GASK1A: variants seen among roughly 807,000 people sequenced by gnomAD.
GASK1A encodes the protein golgi associated kinase 1A.
GASK1A carries 40 observed loss-of-function variants against 41.2 expected under a neutral mutation model. That is an observed-to-expected ratio of 0.97 (90% CI 0.75 to 1.27). GASK1A has a LOEUF of 1.27. GASK1A is among the 50% of genes most tolerant of loss of function. The pLI is 0.00. For missense variants in GASK1A, 678 were observed against 745.1 expected (o/e 0.91, Z 1.05); for synonymous variants, 316 against 307.1 (o/e 1.03, Z -0.30).
At chr3:43,048,518 G>A (rs1347172175) in intron 2 of GASK1A, among the ~76,000 whole-genome samples, 1 of 152,178 alleles carries the variant, frequency 6.6e-6, no homozygotes, top group African/African-American at 2.4e-5. Context: ...AGGAAGAAAA[G>A]CTAATGAAGG....
intron 1 of GASK1A, among the ~76,000 whole-genome samples, chr3:43,010,814 A>G (rs1250453384): frequency 6.6e-6 from 1 of 152,180 alleles, no homozygotes; most frequent in African/African-American, 2.4e-5. Context: ...AATATCCCTG[A>G]TGTTATGCTA....
chr3:42,995,094 T>G (rs958449408), intron 1 of GASK1A, among the ~76,000 whole-genome samples: 1 of 152,170 alleles, frequency 6.6e-6, no homozygotes, highest in Non-Finnish European at 1.5e-5. Context: ...GACCAAGAGA[T>G]ATAAATTGAA....
In GASK1A at chr3:43,033,373, G is replaced by T; in HGVS notation, c.1110G>T (p.Trp370Cys). 2 of 1,551,564 alleles carry T rather than the reference G, an allele frequency of 1.3e-6. No individual in the cohort carries two copies. The highest frequency in any genetic ancestry group is 1.7e-6 in the Non-Finnish European group (2 of 1,146,952). ...YTDGGARPVI[W>C]WAPDVQHLSD... ...ACGGTGGAGCAAGGCCTGTCATCTG[G>T]TGGGCACCCGATGTGCAGCACCTGA... The change falls in exon 2 of 5, where the codon TGG becomes TGT. Residue 370 changes from tryptophan to cysteine, a missense_variant. Trp to Cys is a radical substitution (Grantham distance 215). Transcript: ENST00000430121.
intron 1 of GASK1A, among the ~76,000 whole-genome samples, chr3:43,002,956 AT>A (rs2089417801): frequency 6.6e-6 from 1 of 152,070 alleles, no homozygotes; most frequent in Non-Finnish European, 1.5e-5. Flanking sequence ...TCTGATTTTC[AT>A]TTCTGAATGT....
At chr3:42,992,239 G>A (rs570635674) in intron 1 of GASK1A, among the ~76,000 whole-genome samples, 8 of 152,066 alleles carry the variant, frequency 5.3e-5, no homozygotes, top group South Asian at 2.1e-4. Context: ...TATCTTACTC[G>A]GTGTGGTTTT....
intron 1 of GASK1A, among the ~76,000 whole-genome samples, chr3:43,027,341 A>T (rs1018980007): frequency 6.6e-6 from 1 of 152,260 alleles, no homozygotes; most frequent in African/African-American, 2.4e-5. Context: ...TACGCTTCCT[A>T]TTGTACCAAT....
chr3:42,992,430 G>A (rs1284498964), intron 1 of GASK1A, among the ~76,000 whole-genome samples: 3 of 152,334 alleles, frequency 2.0e-5, no homozygotes, highest in Non-Finnish European at 1.5e-5. Context: ...TTGCGTAACA[G>A]TCAGCACATA....
At chr3:43,027,323 C>T (rs1416974770) in intron 1 of GASK1A, among the ~76,000 whole-genome samples, 6 of 152,132 alleles carry the variant, frequency 3.9e-5, no homozygotes, top group African/African-American at 1.4e-4. Flanking sequence ...GAGATGGAAT[C>T]GAATGTATAC....
chr3:43,041,410 T>C (rs1387121595), intron 2 of GASK1A, among the ~76,000 whole-genome samples: 2 of 152,206 alleles, frequency 1.3e-5, no homozygotes, highest in Non-Finnish European at 1.5e-5. Flanking sequence ...TTTTAATGAT[T>C]GCCATTCTAA....
chr3:43,040,644 G>A (rs1462176486), intron 2 of GASK1A, among the ~76,000 whole-genome samples: 1 of 151,610 alleles, frequency 6.6e-6, no homozygotes, highest in Non-Finnish European at 1.5e-5. Flanking sequence ...TCTTCAGCTG[G>A]GTCTTCACTT....
intron 1 of GASK1A, among the ~76,000 whole-genome samples, chr3:43,023,053 T>C (rs1039172433): frequency 6.6e-6 from 1 of 152,248 alleles, no homozygotes; most frequent in Non-Finnish European, 1.5e-5. Flanking sequence ...ATGCTGTGCA[T>C]GTTATCTCAT....
chr3:43,025,291 C>T (rs2089541590), intron 1 of GASK1A, among the ~76,000 whole-genome samples: 2 of 152,156 alleles, frequency 1.3e-5, no homozygotes, highest in South Asian at 4.2e-4. Flanking sequence ...GAAAAATTTG[C>T]AAGACTTAGA....
intron 1 of GASK1A, among the ~76,000 whole-genome samples, chr3:42,996,085 A>G (rs558067771): frequency 1.3e-5 from 2 of 151,716 alleles, no homozygotes; most frequent in African/African-American, 4.8e-5. Flanking sequence ...CCAACGTATA[A>G]TCAACGTGGA....
At chr3:43,045,094 A>C (rs2089655935) in intron 2 of GASK1A, among the ~76,000 whole-genome samples, 1 of 152,186 alleles carries the variant, frequency 6.6e-6, no homozygotes, top group African/African-American at 2.4e-5. Context: ...TGTAGCTGTG[A>C]TGGTTTAGCA....
chr3:42,995,187 C>T (rs989410922), intron 1 of GASK1A, among the ~76,000 whole-genome samples: 107 of 152,268 alleles, frequency 7.0e-4, no homozygotes, highest in East Asian at 5.8e-4. Context: ...TGTTTCGTTT[C>T]TTCAGGTTTA....
Position 43,034,381 on chromosome 3 carries a change from G to A in GASK1A, c.1290+828G>A, listed in dbSNP as rs144458016. ...GTTGTGTTGTCAGGGTACACGGGCT[G>A]ACTGGGGGACTACAGGCACCAGCTA... On this transcript the variant is annotated intron_variant, in intron 2 of 4. Transcript: ENST00000430121. Among the ~76,000 whole-genome samples, 547 of 152,326 alleles carry A rather than the reference G, an allele frequency of 3.6e-3. 1 individual carries two copies. Among genetic ancestry groups the A allele is most frequent in the Admixed American group, 6.9e-3 (105 of 15,304 alleles).
chr3:43,040,803 A>G (rs2125689256), intron 2 of GASK1A, among the ~76,000 whole-genome samples: 1 of 151,090 alleles, frequency 6.6e-6, no homozygotes, highest in Non-Finnish European at 1.5e-5. Flanking sequence ...ACATATGTAT[A>G]CATGTGACAT....
intron 1 of GASK1A, among the ~76,000 whole-genome samples, chr3:43,001,943 G>T (rs945065283): frequency 3.3e-5 from 5 of 152,128 alleles, no homozygotes; most frequent in Admixed American, 3.3e-4. Context: ...GCTCCTCAAG[G>T]CTTGCTGGGC....
intron 2 of GASK1A, among the ~76,000 whole-genome samples, chr3:43,041,543 A>T (rs1012674466): frequency 6.6e-6 from 1 of 151,976 alleles, no homozygotes; most frequent in Non-Finnish European, 1.5e-5. Context: ...ATGTCTAGGG[A>T]TCTTTTATTT....
Sources: allele counts gnomAD v4.1 joint callset (sites outside exome capture counted in the v4.1 genomes callset), GRCh38; gene constraint gnomAD v4.1.1; transcripts MANE v1.5; gene names NCBI Gene and HGNC (gene_info 2026-07-23, HGNC 2026-07-21).